The following SLC25A30 variants were observed in gnomAD, a reference collection of about 807,000 sequenced individuals.
SLC25A30 encodes the protein kidney mitochondrial carrier protein 1.
In SLC25A30, 29 loss-of-function variants were observed where a neutral mutation model predicts 42.7. The ratio of observed to expected loss-of-function variants is 0.68; its 90% CI spans 0.51 to 0.93. The LOEUF (loss-of-function observed/expected upper bound fraction) is 0.93. Among genes scored for constraint, SLC25A30 ranks in the 40% least tolerant of loss-of-function variants. The pLI, the probability that SLC25A30 is intolerant of heterozygous loss-of-function variation, is 0.00. For missense variants in SLC25A30, 300 were observed against 359.7 expected (o/e 0.83, Z 1.34); for synonymous variants, 124 against 131.0 (o/e 0.95, Z 0.37).
At chr13:45,429,056 C>CTTTT in the SLC25A30 span, among the ~76,000 whole-genome samples, 21 of 93,852 alleles carry the variant, frequency 2.2e-4, no homozygotes, top group African/African-American at 4.9e-4. Context: ...TGTGCAAGCT[C>CTTTT]TTTTTTTTTT....
At chr13:45,407,098 T>C (rs1882581693) in intron 3 of SLC25A30, among the ~76,000 whole-genome samples, 1 of 150,914 alleles carries the variant, frequency 6.6e-6, no homozygotes. Context: ...CCCATCTCTA[T>C]AAAAAATATA....
the SLC25A30 span, among the ~76,000 whole-genome samples, chr13:45,423,631 AAT>A: frequency 9.4e-6 from 1 of 106,054 alleles, no homozygotes; most frequent in African/African-American, 3.9e-5. Context: ...TATATATATA[AAT>A]ATATATAAAA....
chr13:45,421,627 C>T (rs913946202), upstream of SLC25A30, among the ~76,000 whole-genome samples: 3 of 152,116 alleles, frequency 2.0e-5, no homozygotes, highest in Admixed American at 6.6e-5. Context: ...AGCTCTCTGG[C>T]CTTGAGTTAA....
chr13:45,399,705 T>C (rs1411355477), intron 7 of SLC25A30, among the ~76,000 whole-genome samples: 1 of 152,156 alleles, frequency 6.6e-6, no homozygotes, highest in African/African-American at 2.4e-5. Context: ...GATGATCTTT[T>C]CCATCTATTT....
At position 45,402,266 on chromosome 13, in the gene SLC25A30, C is replaced by T. The variant is rs777926627; in HGVS notation, c.489+9G>A. On this transcript the variant is annotated intron_variant, in intron 6 of 9. Transcript: ENST00000519676. ...AAATAAATCAGTTCGATCCATCCTT[C>T]TGGCTTACCTTCCACAGTCCTCTTG... is the stretch of plus-strand genomic sequence containing the variant. 1 of 1,603,224 alleles carries T rather than the reference C, an allele frequency of 6.2e-7. No individual in the cohort carries two copies.
chr13:45,423,815 AATATAAAT>A, the SLC25A30 span, among the ~76,000 whole-genome samples: 11 of 55,736 alleles, frequency 2.0e-4, 1 homozygote, highest in African/African-American at 7.8e-4. Flanking sequence ...TATATATAAA[AATATAAAT>A]ATATATTTAT....
chr13:45,407,894 A>C (rs1882664225), intron 3 of SLC25A30, among the ~76,000 whole-genome samples: 1 of 152,310 alleles, frequency 6.6e-6, no homozygotes, highest in Admixed American at 6.5e-5. Context: ...TACACCCTAA[A>C]TAGTTTTCTA....
chr13:45,419,380 A>G (rs74547276), upstream of SLC25A30, among the ~76,000 whole-genome samples: 852 of 150,704 alleles, frequency 5.7e-3, 10 homozygotes, highest in South Asian at 0.018. Context: ...GTGCAATGGC[A>G]CCATCTCAGC....
At chr13:45,411,597 T>G in intron 1 of SLC25A30, 117 bp from the exon 2 acceptor site, 5 of 627,618 alleles carry the variant, frequency 8.0e-6, no homozygotes, top group Non-Finnish European at 8.5e-6. Context: ...CCTGCAGCAA[T>G]TCCCAAGGGG....
chr13:45,421,607 C>T (rs992220312), upstream of SLC25A30, among the ~76,000 whole-genome samples: 1 of 152,148 alleles, frequency 6.6e-6, no homozygotes, highest in Non-Finnish European at 1.5e-5. Context: ...ATCCTGGCCA[C>T]AGCTTTATTA....
the SLC25A30 span, among the ~76,000 whole-genome samples, chr13:45,424,733 G>GTA: frequency 2.1e-5 from 1 of 47,252 alleles, no homozygotes; most frequent in East Asian, 4.8e-4. Context: ...ATATAAATAT[G>GTA]TATAAATATT....
chr13:45,395,605 C>T lies in SLC25A30; in HGVS notation c.*369G>A. The T allele has an allele frequency of 8.8e-7, 1 of 1,131,066 alleles. No individual in the cohort carries two copies. 70.1% of individuals were successfully genotyped at this position (1,131,066 alleles called of 1,614,324 possible). A position where few individuals can be genotyped will look rare whatever the true frequency, so the allele number is the denominator to read the frequency against. ...ATGGTTCCAGTGAGCTTTTCTAGAG[C>T]AGTCTGATTCTCAGTCATGAGCTGA... On this transcript the variant is annotated 3_prime_UTR_variant, in exon 10 of 10. Coordinates refer to ENST00000519676, the MANE Select transcript of SLC25A30 (RefSeq NM_001010875.4).
chr13:45,430,572 G>A, the SLC25A30 span, among the ~76,000 whole-genome samples: 4 of 152,200 alleles, frequency 2.6e-5, no homozygotes, highest in East Asian at 1.9e-4. Context: ...CTAAGAGGCC[G>A]AGGCAGGTGG....
chr13:45,426,300 T>C, the SLC25A30 span, among the ~76,000 whole-genome samples: 730 of 151,746 alleles, frequency 4.8e-3, 3 homozygotes, highest in African/African-American at 0.016. Flanking sequence ...TTGGCTAGGA[T>C]GGTCTCAATC....
At chr13:45,432,682 T>C in the SLC25A30 span, among the ~76,000 whole-genome samples, 1 of 151,724 alleles carries the variant, frequency 6.6e-6, no homozygotes, top group South Asian at 2.1e-4. Flanking sequence ...TTACTAATTA[T>C]TATGGCCAGG....
chr13:45,419,507 T>C (rs1883819527), upstream of SLC25A30, among the ~76,000 whole-genome samples: 1 of 150,178 alleles, frequency 6.7e-6, no homozygotes, highest in Admixed American at 6.6e-5. Context: ...TTAGTAGAGA[T>C]GGGGTTTCTC....
intron 2 of SLC25A30, among the ~76,000 whole-genome samples, chr13:45,410,517 T>C (rs1007870850): frequency 6.6e-6 from 1 of 151,272 alleles, no homozygotes; most frequent in Non-Finnish European, 1.5e-5. Context: ...AATATAAGAA[T>C]TAGCCGGGCG....
chr13:45,396,004 T>A lies in SLC25A30; in HGVS notation c.846A>T (p.Thr282=), dbSNP rs773983121. Reference sequence around the variant, plus strand: ...AATCCAATTTCTTCAACTGCTCGTATGTCACAAAGAACTGTGGTTATGGGT... The same window carrying A: ...AATCCAATTTCTTCAACTGCTCGTAAGTCACAAAGAACTGTGGTTATGGGT... ...LGPWNIIFFV[T]YEQLKKLDL Residue 282 remains threonine, a synonymous_variant, in exon 10 of 10, where the codon ACA becomes ACT. Transcript: ENST00000519676. The A allele has an allele frequency of 1.9e-6, 3 of 1,614,230 alleles. No homozygotes were observed.
chr13:45,396,138 C>G (rs568462709), intron 9 of SLC25A30, 123 bp from the exon 10 acceptor site: 7 of 1,591,138 alleles, frequency 4.4e-6, no homozygotes, highest in Non-Finnish European at 2.6e-6. Flanking sequence ...GCTATGGACA[C>G]GATTAAATAA....
Sources: gnomAD v4.1 joint callset for allele counts (sites outside exome capture counted in the v4.1 genomes callset) on GRCh38, gnomAD v4.1.1 for gene constraint, MANE v1.5 for transcripts, NCBI Gene and HGNC (gene_info 2026-07-23, HGNC 2026-07-21) for gene names.